MAP3K5: variants seen among roughly 807,000 people sequenced by gnomAD.
MAP3K5 encodes the protein ASK-1.
Under a neutral mutation model 158.7 loss-of-function variants are expected in MAP3K5, and 56 were observed. The observed-to-expected ratio is 0.35, with a 90% confidence interval of 0.28 to 0.44. The LOEUF is 0.44. Among genes scored for constraint, MAP3K5 ranks in the 20% least tolerant of loss-of-function variants. The pLI, the probability that MAP3K5 is intolerant of heterozygous loss-of-function variation, is 1.00. For missense variants in MAP3K5, 1,294 were observed against 1,674.8 expected (o/e 0.77, Z 3.97); for synonymous variants, 579 against 601.7 (o/e 0.96, Z 0.55).
At chr6:136,670,648 C>A (rs1009349538) in intron 7 of MAP3K5, among the ~76,000 whole-genome samples, 9 of 152,012 alleles carry the variant, frequency 5.9e-5, no homozygotes, top group African/African-American at 2.2e-4. Context: ...TTTATATATA[C>A]TCAAAATTTT....
At chr6:136,669,196 A>C in intron 8 of MAP3K5, 87 bp downstream of exon 8, 1 of 866,922 alleles carries the variant, frequency 1.2e-6, no homozygotes, top group Non-Finnish European at 1.9e-6. Context: ...CAGAAAGCAA[A>C]AGATTTATCT....
chr6:136,735,688 G>A (rs534587610), intron 1 of MAP3K5, among the ~76,000 whole-genome samples: 39 of 152,038 alleles, frequency 2.6e-4, no homozygotes, highest in Non-Finnish European at 5.3e-4. Context: ...AAAATAGCTG[G>A]GTGTGGTGGT....
intron 1 of MAP3K5, among the ~76,000 whole-genome samples, chr6:136,731,575 T>C (rs938569678): frequency 6.6e-6 from 1 of 152,192 alleles, no homozygotes; most frequent in African/African-American, 2.4e-5. Context: ...GATCCTTCAC[T>C]TCATCATATC....
intron 1 of MAP3K5, among the ~76,000 whole-genome samples, chr6:136,754,200 G>A (rs909956755): frequency 6.6e-5 from 10 of 151,884 alleles, no homozygotes; most frequent in Admixed American, 4.6e-4. Context: ...TTGAACCTGG[G>A]AGGCAGACGT....
chr6:136,615,519 G>T (rs1184931561), intron 15 of MAP3K5, among the ~76,000 whole-genome samples: 1 of 152,144 alleles, frequency 6.6e-6, no homozygotes, highest in African/African-American at 2.4e-5. Context: ...CAGAAGGTCA[G>T]ATCTTACAAG....
Position 136,605,265 on chromosome 6 carries a change from C to A in MAP3K5, c.2623G>T (p.Ala875Ser). Residue 875 changes from alanine (A) to serine (S), a missense_variant, in exon 19 of 30, where the codon GCC (alanine) becomes TCC (serine). Transcript: ENST00000359015. ...WSLGCTIIEM[A>S]TGKPPFYELG... is the part of the protein sequence containing the mutation. The stretch of plus-strand genomic sequence containing the variant: ...TCATAAAATGGGGGTTTTCCTGTGG[C>A]CATTTCAATGATTGTACAGCCCAGA... 1 of 1,614,074 alleles carries A rather than the reference C, an allele frequency of 6.2e-7. No homozygotes were observed. The highest frequency in any genetic ancestry group is 1.3e-5 in the African/African-American group (1 of 75,028).
rs75296855 is a variant in MAP3K5, at chr6:136,683,017, T to A, written c.1253+11123A>T. Among the ~76,000 whole-genome samples, 1,262 of 152,140 alleles carry A rather than the reference T, an allele frequency of 8.3e-3. 9 individuals are homozygous for A. The highest frequency in any genetic ancestry group is 0.013 in the Non-Finnish European group (900 of 67,984). On this transcript the variant is annotated intron_variant, in intron 7 of 29. Coordinates refer to ENST00000359015, the MANE Select transcript of MAP3K5 (RefSeq NM_005923.4). ...TCCATTTTGAACATGGATAAATATA[T>A]CAAATATGTAAAGACATACAAAATG...
In MAP3K5 at chr6:136,639,709, A is replaced by G. The variant is rs1777829039; in HGVS notation, c.1839-71T>C. 8.5e-6 allele frequency: 6 copies of G among 709,662 alleles called. No homozygotes were observed. The South Asian group carries it at 1.1e-4, about 13-fold the overall frequency. 44.0% of individuals were successfully genotyped at this position (709,662 alleles called of 1,614,324 possible). On this transcript the variant is annotated intron_variant, in intron 12 of 29. Coordinates refer to ENST00000359015, the MANE Select transcript of MAP3K5 (RefSeq NM_005923.4). ...CTTCTACAGTCCTATGATGAAAAAG[A>G]AATGTTTTAAATTCAATCCCATTTA...
upstream of MAP3K5, chr6:136,792,562 C>T: frequency 5.5e-6 from 1 of 182,886 alleles, no homozygotes; most frequent in Non-Finnish European, 1.0e-5. The surrounding 1 kb of genome is among the most constrained non-coding windows in gnomAD (Gnocchi z 5.7). Flanking sequence ...CGCCGCGCCG[C>T]GCCGCGCAGC....
chr6:136,644,588 TTATAC>T (rs1280923849), intron 11 of MAP3K5, among the ~76,000 whole-genome samples: 1 of 152,004 alleles, frequency 6.6e-6, no homozygotes, highest in African/African-American at 2.4e-5. Flanking sequence ...GTGGCAGGAG[TTATAC>T]TGTAGTAGGC....
Position 136,592,787 on chromosome 6 carries a change from A to G in MAP3K5, c.2879-173T>C, listed in dbSNP as rs1353521121. 4 of 704,632 alleles carry G rather than the reference A, an allele frequency of 5.7e-6. No homozygotes were observed. In the East Asian group the frequency reaches 1.1e-4, roughly 19 times the overall value. The allele number at this position is 704,632 out of a possible 1,614,324, so 43.6% of individuals were successfully genotyped here. A position where few individuals can be genotyped will look rare whatever the true frequency, so the allele number is the denominator to read the frequency against. On this transcript the variant is annotated intron_variant, in intron 21 of 29. Coordinates refer to ENST00000359015, the MANE Select transcript of MAP3K5 (RefSeq NM_005923.4). Reference sequence around the variant, plus strand: ...GTTATGACTGCCTCCCTTGCTCAGCATAACCCATACAGCAGGGTAGCCAGG... The same window carrying G: ...GTTATGACTGCCTCCCTTGCTCAGCGTAACCCATACAGCAGGGTAGCCAGG...
chr6:136,609,781 C>T lies in MAP3K5; in HGVS notation c.2521+1501G>A, dbSNP rs937500849. Among the ~76,000 whole-genome samples the T allele has an allele frequency of 7.9e-5, 12 of 151,280 alleles. No individual in the cohort carries two copies. Among genetic ancestry groups the T allele is most frequent in the South Asian group, 2.1e-4 (1 of 4,776 alleles). On this transcript the variant is annotated intron_variant, in intron 18 of 29. Coordinates refer to ENST00000359015, the MANE Select transcript of MAP3K5 (RefSeq NM_005923.4). The surrounding 1 kb of genome is among the most constrained non-coding windows in gnomAD (Gnocchi z 4.4). ...CTGTACTTCAGCCTGGGTTACAGAG[C>T]GAGAACCCATCTCAAAAGAAAAAAC...
At chr6:136,789,571 A>T (rs574746424) in intron 1 of MAP3K5, among the ~76,000 whole-genome samples, 1 of 151,714 alleles carries the variant, frequency 6.6e-6, no homozygotes, top group East Asian at 1.9e-4. Flanking sequence ...GCCTGGTAAG[A>T]TCTTTGCCAG....
chr6:136,688,036 T>C (rs900308783), intron 7 of MAP3K5, among the ~76,000 whole-genome samples: 3 of 152,118 alleles, frequency 2.0e-5, no homozygotes, highest in African/African-American at 4.8e-5. Flanking sequence ...CCATCAATGA[T>C]AGACTGGATA....
At chr6:136,624,135 A>G (rs1271120511) in intron 14 of MAP3K5, among the ~76,000 whole-genome samples, 1 of 152,174 alleles carries the variant, frequency 6.6e-6, no homozygotes, top group African/African-American at 2.4e-5. Flanking sequence ...CGGAGGTTGC[A>G]GTGAGCTGAG....
intron 5 of MAP3K5, among the ~76,000 whole-genome samples, 159 bp from the exon 6 acceptor site, chr6:136,696,216 GTTGT>G (rs1388831532): frequency 6.6e-6 from 1 of 152,172 alleles, no homozygotes; most frequent in East Asian, 1.9e-4. Context: ...AACAGTTTTT[GTTGT>G]TTTTCTTCTA....
At chr6:136,771,862 G>A (rs1466293563) in intron 1 of MAP3K5, among the ~76,000 whole-genome samples, 1 of 152,122 alleles carries the variant, frequency 6.6e-6, no homozygotes, top group East Asian at 1.9e-4. Context: ...TCCAACCTGA[G>A]AGCTGATTTT....
intron 14 of MAP3K5, among the ~76,000 whole-genome samples, chr6:136,626,052 T>C (rs1284080538): frequency 6.6e-6 from 1 of 151,952 alleles, no homozygotes; most frequent in Non-Finnish European, 1.5e-5. Flanking sequence ...GACAAAAAGA[T>C]CATAAAAGGG....
chr6:136,619,738 G>A (rs2129094726), intron 15 of MAP3K5, among the ~76,000 whole-genome samples: 1 of 152,348 alleles, frequency 6.6e-6, no homozygotes, highest in African/African-American at 2.4e-5. Flanking sequence ...CCAGCGACAG[G>A]CCTGAAGGCT....
Sources: allele counts gnomAD v4.1 joint callset (sites outside exome capture counted in the v4.1 genomes callset), GRCh38; gene constraint gnomAD v4.1.1; non-coding constraint Gnocchi (gnomAD v3.1); transcripts MANE v1.5; gene names NCBI Gene and HGNC (gene_info 2026-07-23, HGNC 2026-07-21).